Variants in KCNK1 observed in about 807,000 individuals in gnomAD.
KCNK1 encodes potassium two pore domain channel subfamily K member 1, also known as potassium channel subfamily K member 1.
In KCNK1, 10 loss-of-function variants were observed where a neutral mutation model predicts 22.2. The observed-to-expected ratio is 0.45, with a 90% confidence interval of 0.28 to 0.76. KCNK1 has a LOEUF of 0.76. Ranked by LOEUF, KCNK1 falls within the 30% of genes least tolerant of loss-of-function variation. The pLI is 0.14. For synonymous variants in KCNK1, 200 were observed against 186.4 expected (o/e 1.07, Z -0.60); for missense variants, 378 against 421.0 (o/e 0.90, Z 0.89).
At chr1:233,669,266 T>A (rs949706756) in intron 2 of KCNK1, among the ~76,000 whole-genome samples, 2 of 152,358 alleles carry the variant, frequency 1.3e-5, no homozygotes, top group South Asian at 4.1e-4. Flanking sequence ...CTACAATAAT[T>A]TTCTCTTATA....
At chr1:233,615,602 T>G (rs1324467792) in intron 1 of KCNK1, among the ~76,000 whole-genome samples, 1 of 152,208 alleles carries the variant, frequency 6.6e-6, no homozygotes, top group Non-Finnish European at 1.5e-5. Context: ...ACACACTTCC[T>G]AGTTACCAGT....
chr1:233,642,633 C>T, intron 1 of KCNK1, among the ~76,000 whole-genome samples: 1 of 152,162 alleles, frequency 6.6e-6, no homozygotes, highest in East Asian at 1.9e-4. Flanking sequence ...GCAGGATCTG[C>T]CCTTTAGCCT....
intron 1 of KCNK1, among the ~76,000 whole-genome samples, chr1:233,614,976 C>T (rs1157608751): frequency 6.6e-6 from 1 of 152,228 alleles, no homozygotes; most frequent in East Asian, 1.9e-4. Flanking sequence ...ACCTTCCTCC[C>T]GCACCCATCC....
chr1:233,627,798 A>C (rs1657716662), intron 1 of KCNK1, among the ~76,000 whole-genome samples: 1 of 152,172 alleles, frequency 6.6e-6, no homozygotes, highest in Admixed American at 6.5e-5. Context: ...AAAAAACTAA[A>C]ATTTTAAGAA....
intron 1 of KCNK1, among the ~76,000 whole-genome samples, chr1:233,642,384 T>C (rs1658013919): frequency 6.6e-6 from 1 of 152,196 alleles, no homozygotes; most frequent in South Asian, 2.1e-4. Context: ...ACTGTGTAGC[T>C]TTCCTCTGCT....
chr1:233,653,807 A>G (rs1459532654), intron 1 of KCNK1, among the ~76,000 whole-genome samples: 2 of 152,080 alleles, frequency 1.3e-5, no homozygotes, highest in Admixed American at 1.3e-4. Flanking sequence ...AATTCCCATA[A>G]TAAATCTCTT....
intron 1 of KCNK1, among the ~76,000 whole-genome samples, chr1:233,656,864 C>A (rs140659998): frequency 0.013 from 1,997 of 152,338 alleles, 43 homozygotes; most frequent in African/African-American, 0.046. Context: ...GCAATCCTCT[C>A]ACCTCAGTCT....
At chr1:233,631,309 A>C (rs906149663) in intron 1 of KCNK1, 1 of 531,134 alleles carries the variant, frequency 1.9e-6, no homozygotes, top group Admixed American at 1.9e-5. Context: ...CTGAACCCCT[A>C]ATGTGTGTTT....
At chr1:233,667,444 A>C (rs1658511988) in intron 2 of KCNK1, among the ~76,000 whole-genome samples, 1 of 152,124 alleles carries the variant, frequency 6.6e-6, no homozygotes, top group Non-Finnish European at 1.5e-5. Flanking sequence ...AAAATACATC[A>C]TACAGGCCGG....
intron 1 of KCNK1, among the ~76,000 whole-genome samples, chr1:233,620,278 T>G (rs1200795076): frequency 1.3e-5 from 2 of 152,116 alleles, no homozygotes; most frequent in Non-Finnish European, 2.9e-5. Context: ...ACAAAAAAAG[T>G]TTGCTGACAT....
chr1:233,619,194 C>G (rs538213), intron 1 of KCNK1, among the ~76,000 whole-genome samples: 1 of 151,410 alleles, frequency 6.6e-6, no homozygotes, highest in Non-Finnish European at 1.5e-5. Context: ...ATTTTTTTTT[C>G]ATTTTTCTTT....
intron 1 of KCNK1, among the ~76,000 whole-genome samples, chr1:233,642,803 C>G (rs920850747): frequency 4.0e-5 from 6 of 151,738 alleles, no homozygotes; most frequent in African/African-American, 7.3e-5. Context: ...GAGTCTCACT[C>G]TGTCACCCAG....
chr1:233,620,099 T>A (rs1166781042), intron 1 of KCNK1, among the ~76,000 whole-genome samples: 1 of 152,184 alleles, frequency 6.6e-6, no homozygotes, highest in Non-Finnish European at 1.5e-5. Flanking sequence ...TCTGACACAG[T>A]CAAGTTTTAT....
intron 1 of KCNK1, chr1:233,631,454 G>A (rs1196550427): frequency 2.7e-5 from 10 of 375,140 alleles, no homozygotes; most frequent in Non-Finnish European, 4.9e-5. Context: ...GTTCATTCCC[G>A]TTTGTGCCCT....
At chr1:233,657,869 A>G (rs1415692350) in intron 1 of KCNK1, among the ~76,000 whole-genome samples, 1 of 152,124 alleles carries the variant, frequency 6.6e-6, no homozygotes, top group Non-Finnish European at 1.5e-5. Flanking sequence ...GCAGAAGGTG[A>G]CTGATCAAAA....
chr1:233,626,513 A>G (rs1038718904), intron 1 of KCNK1, among the ~76,000 whole-genome samples: 1 of 152,152 alleles, frequency 6.6e-6, no homozygotes, highest in Non-Finnish European at 1.5e-5. Context: ...CCGTGATGTC[A>G]TGTTGTATCA....
chr1:233,615,042 G>C (rs994474720), intron 1 of KCNK1, among the ~76,000 whole-genome samples: 1 of 152,250 alleles, frequency 6.6e-6, no homozygotes, highest in Non-Finnish European at 1.5e-5. Flanking sequence ...ACCTTCCGGA[G>C]TGTGCCGTCC....
intron 1 of KCNK1, among the ~76,000 whole-genome samples, chr1:233,626,986 T>C (rs1657699766): frequency 6.6e-6 from 1 of 152,154 alleles, no homozygotes; most frequent in African/African-American, 2.4e-5. Context: ...GTTTCTGTTT[T>C]TAGGAAGTAA....
intron 1 of KCNK1, among the ~76,000 whole-genome samples, chr1:233,618,274 A>G (rs978470124): frequency 3.3e-5 from 5 of 152,204 alleles, no homozygotes; most frequent in African/African-American, 1.2e-4. Context: ...TCTTATGAGA[A>G]TGAGTGAAAC....
Sources: allele counts gnomAD v4.1 joint callset (sites outside exome capture counted in the v4.1 genomes callset), GRCh38; gene constraint gnomAD v4.1.1; transcripts MANE v1.5; gene names NCBI Gene and HGNC (gene_info 2026-07-23, HGNC 2026-07-21).